CNTN6: variants seen among roughly 807,000 people sequenced by gnomAD.
CNTN6 encodes the protein contactin-6.
A neutral mutation model predicts 122.8 loss-of-function variants in CNTN6; 137 were observed. That is an observed-to-expected ratio of 1.12 (90% CI 0.97 to 1.29). The LOEUF is 1.29. Ranked by LOEUF, CNTN6 falls within the 50% of genes most tolerant of loss-of-function variation. The pLI is 0.00. For missense variants in CNTN6, 1,634 were observed against 1,223.4 expected (o/e 1.34, Z -5.01); for synonymous variants, 570 against 426.0 (o/e 1.34, Z -4.16).
intron 2 of CNTN6, among the ~76,000 whole-genome samples, chr3:1,148,978 A>G (rs968082863): frequency 1.3e-5 from 2 of 152,188 alleles, no homozygotes; most frequent in Non-Finnish European, 2.9e-5. Context: ...CTTGATGCCA[A>G]CGCTTGGAAC....
chr3:1,296,475 A>C (rs1334105272), intron 6 of CNTN6, among the ~76,000 whole-genome samples: 3 of 152,158 alleles, frequency 2.0e-5, no homozygotes, highest in Admixed American at 1.3e-4. Context: ...GAAATTCTCT[A>C]GTTGTTTTTT....
chr3:1,386,952 A>ATCTC (rs1286998108), intron 20 of CNTN6, among the ~76,000 whole-genome samples: 1 of 151,866 alleles, frequency 6.6e-6, no homozygotes, highest in Non-Finnish European at 1.5e-5. Flanking sequence ...GTTAGGAACC[A>ATCTC]TCTCAGAGAA....
intron 4 of CNTN6, among the ~76,000 whole-genome samples, chr3:1,246,148 A>G (rs911927548): frequency 7.2e-5 from 11 of 152,150 alleles, no homozygotes; most frequent in Admixed American, 7.2e-4. Flanking sequence ...AGATCCAGGA[A>G]TAGATATTTC....
intron 4 of CNTN6, among the ~76,000 whole-genome samples, chr3:1,254,109 G>A (rs541772798): frequency 6.6e-6 from 1 of 152,210 alleles, no homozygotes; most frequent in East Asian, 1.9e-4. Context: ...TTAAATGTGT[G>A]TTAATGTTTT....
chr3:1,403,245 G>A, intron 22 of CNTN6, 73 bp from the exon 23 acceptor site: 1 of 849,606 alleles, frequency 1.2e-6, no homozygotes, highest in African/African-American at 1.7e-5. Flanking sequence ...TATGAAATTG[G>A]GGTTTTGAAA....
chr3:1,388,201 G>A lies in CNTN6; in HGVS notation c.2704+2404G>A, dbSNP rs1254562590. On this transcript the variant is annotated intron_variant, in intron 20 of 22. Coordinates refer to ENST00000446702, the MANE Select transcript of CNTN6 (RefSeq NM_001289080.2). Reference sequence around the variant, plus strand: ...AAGAGAGCACTGGTTCTCCCAGCATGCAGCTGGAGATCTGAGAACTGGCAC... The same window carrying A: ...AAGAGAGCACTGGTTCTCCCAGCATACAGCTGGAGATCTGAGAACTGGCAC... 3.1e-4 allele frequency among the ~76,000 whole-genome samples: 47 copies of A among 149,934 alleles called. 3 individuals carry two copies. The highest frequency in any genetic ancestry group is 3.4e-3 in the Middle Eastern group (1 of 294).
intron 11 of CNTN6, among the ~76,000 whole-genome samples, chr3:1,350,815 C>T (rs571013544): frequency 6.6e-6 from 1 of 151,758 alleles, no homozygotes; most frequent in South Asian, 2.1e-4. Context: ...CTAGTTATTC[C>T]TAAATGTTAG....
At chr3:1,259,263 A>G (rs2094807073) in intron 4 of CNTN6, among the ~76,000 whole-genome samples, 2 of 152,132 alleles carry the variant, frequency 1.3e-5, no homozygotes, top group African/African-American at 4.8e-5. Context: ...AAGAAGACAG[A>G]ACAAGTAATT....
intron 5 of CNTN6, among the ~76,000 whole-genome samples, chr3:1,287,681 G>GA (rs11442077): frequency 0.058 from 8,826 of 152,090 alleles, 849 homozygotes; most frequent in African/African-American, 0.2. Context: ...CCAAGATGGT[G>GA]AAAAAAGCTA....
Position 1,329,911 on chromosome 3 carries a change from C to T in CNTN6, c.1340C>T (p.Thr447Met), listed in dbSNP as rs370701039. The change falls in exon 11 of 23, where the codon ACG becomes ATG. Residue 447 changes from threonine to methionine, a missense_variant. Transcript: ENST00000446702. ...PRAAISWKRG[T>M]ETLRQSKRIF... is the part of the protein sequence containing the mutation. ...GCAGCTATCTCTTGGAAAAGAGGAA[C>T]GGAGACCCTTAGACAAAGCAAAAGG... The T allele has an allele frequency of 8.1e-6, 13 of 1,609,050 alleles. No individual in the cohort carries two copies. The highest frequency in any genetic ancestry group is 5.4e-5 in the African/African-American group (4 of 74,560).
At chr3:1,115,542 A>AT (rs2091682224) in intron 1 of CNTN6, among the ~76,000 whole-genome samples, 1 of 152,086 alleles carries the variant, frequency 6.6e-6, no homozygotes, top group Admixed American at 6.6e-5. Flanking sequence ...AAGGTCAGGA[A>AT]TTTGAGACCA....
At chr3:1,385,135 TC>T (rs1692665136) in intron 19 of CNTN6, among the ~76,000 whole-genome samples, 2 of 151,980 alleles carry the variant, frequency 1.3e-5, no homozygotes, top group African/African-American at 4.8e-5. Context: ...TAATTTATTC[TC>T]TTTTTTTTTC....
At chr3:1,102,512 C>T (rs2090960230) in intron 1 of CNTN6, among the ~76,000 whole-genome samples, 1 of 151,922 alleles carries the variant, frequency 6.6e-6, no homozygotes, top group East Asian at 1.9e-4. Flanking sequence ...GGGCGGATCA[C>T]CAGGTCAGGA....
At chr3:1,103,735 T>C (rs926954759) in intron 1 of CNTN6, among the ~76,000 whole-genome samples, 15 of 152,172 alleles carry the variant, frequency 9.9e-5, no homozygotes, top group Non-Finnish European at 1.8e-4. Flanking sequence ...GGGGGCTCCT[T>C]TTACTTATGA....
At chr3:1,138,978 A>G (rs920276186) in intron 1 of CNTN6, among the ~76,000 whole-genome samples, 1 of 152,122 alleles carries the variant, frequency 6.6e-6, no homozygotes, top group Non-Finnish European at 1.5e-5. Flanking sequence ...TCAAATATTC[A>G]GTAGGATTGG....
chr3:1,193,008 C>T (rs527663945), intron 2 of CNTN6, among the ~76,000 whole-genome samples: 16 of 152,268 alleles, frequency 1.1e-4, no homozygotes, highest in African/African-American at 3.6e-4. Context: ...CCCACTCCTT[C>T]TCACTCTTTT....
chr3:1,341,115 C>T (rs1475870910), intron 11 of CNTN6, among the ~76,000 whole-genome samples: 1 of 151,976 alleles, frequency 6.6e-6, no homozygotes. Context: ...CCATTCTGTT[C>T]TGCATAACTC....
At position 1,261,818 on chromosome 3, in the gene CNTN6, C is replaced by T. The variant is rs139970352; in HGVS notation, c.359-16595C>T. On this transcript the variant is annotated intron_variant, in intron 4 of 22. Transcript: ENST00000446702. ...TTAGCTTGATATTTACATTTTATCACATAATTTTAATTTAAAAGGTCACAT... is the reference window on the plus strand; with the variant it reads ...TTAGCTTGATATTTACATTTTATCATATAATTTTAATTTAAAAGGTCACAT... 3.9e-3 allele frequency among the ~76,000 whole-genome samples: 588 copies of T among 152,198 alleles called. 3 individuals carry two copies. Among genetic ancestry groups the T allele is most frequent in the Non-Finnish European group, 6.5e-3 (439 of 67,996 alleles).
rs368595333 is a variant in CNTN6 at position 1,385,814 on chromosome 3, T to C, written c.2704+17T>C. 3.2e-6 allele frequency: 5 copies of C among 1,580,264 alleles called. No individual in the cohort carries two copies. The African/African-American group carries it at 5.5e-5, about 17-fold the overall frequency. ...AAAAGTCTCGTAAGTATGCATACAC[T>C]CCAGGAAACAAGATTCATCTGTGAA... On this transcript the variant is annotated intron_variant, in intron 20 of 22. Transcript: ENST00000446702.
Sources: gnomAD v4.1 joint callset for allele counts (sites outside exome capture counted in the v4.1 genomes callset) on GRCh38, gnomAD v4.1.1 for gene constraint, MANE v1.5 for transcripts, NCBI Gene and HGNC (gene_info 2026-07-23, HGNC 2026-07-21) for gene names.